SGCD: variants seen among roughly 807,000 people sequenced by gnomAD.
SGCD encodes the protein delta-sarcoglycan.
In SGCD, 18 loss-of-function variants were observed where a neutral mutation model predicts 36.6. That is an observed-to-expected ratio of 0.49 (90% confidence interval 0.34 to 0.73). The LOEUF is 0.73. SGCD is among the 30% of genes least tolerant of loss of function. The pLI, the probability that SGCD is intolerant of heterozygous loss-of-function variation, is 0.01. For synonymous variants in SGCD, 133 were observed against 130.6 expected, an observed-to-expected ratio of 1.02 and a Z score of -0.12; for missense variants, 387 against 346.7, an observed-to-expected ratio of 1.12 and a Z score of -0.92.
In SGCD at chr5:156,361,783, A is replaced by G. The variant is rs78997175; in HGVS notation, c.192+17106A>G. ...CTTAAAATAGGACTCTGTGAAACAC[A>G]GTAAACTATAGCTATTCTGGTGCAT... On this transcript the variant is annotated intron_variant, in intron 3 of 8. Transcript: ENST00000337851. 8.0e-3 allele frequency among the ~76,000 whole-genome samples: 1,219 copies of G among 152,344 alleles called. 14 individuals carry two copies. Among genetic ancestry groups the G allele is most frequent in the African/African-American group, 0.023 (949 of 41,570 alleles).
chr5:156,709,001 A>T (rs985211473), intron 7 of SGCD, among the ~76,000 whole-genome samples: 1 of 151,660 alleles, frequency 6.6e-6, no homozygotes, highest in Non-Finnish European at 1.5e-5. Context: ...GGTACCATCT[A>T]TCAGCTAATA....
intron 6 of SGCD, among the ~76,000 whole-genome samples, chr5:156,626,176 G>T (rs1280928091): frequency 6.6e-6 from 1 of 152,170 alleles, no homozygotes; most frequent in Admixed American, 6.5e-5. Context: ...TTGAGAAGCC[G>T]TGGGCTAGAG....
chr5:156,073,532 T>C (rs73813227), intron 1 of SGCD, among the ~76,000 whole-genome samples: 21,835 of 152,184 alleles, frequency 0.14, 1,813 homozygotes, highest in Non-Finnish European at 0.19. Flanking sequence ...CACTGCACTC[T>C]AGCCTGGGTG....
At chr5:156,336,505 G>A (rs2127709563) in intron 2 of SGCD, among the ~76,000 whole-genome samples, 1 of 152,238 alleles carries the variant, frequency 6.6e-6, no homozygotes, top group Admixed American at 6.5e-5. Context: ...AAATATCATA[G>A]ATCCATACCA....
chr5:156,685,237 C>G (rs1017010009), intron 7 of SGCD, among the ~76,000 whole-genome samples: 1 of 152,006 alleles, frequency 6.6e-6, no homozygotes, highest in Non-Finnish European at 1.5e-5. Context: ...AAGTGGGCTA[C>G]TCGGCCAAGG....
intron 1 of SGCD, among the ~76,000 whole-genome samples, chr5:155,894,057 AGTT>A (rs1198545551): frequency 6.6e-6 from 1 of 152,190 alleles, no homozygotes; most frequent in Non-Finnish European, 1.5e-5. Flanking sequence ...CAAGCCTGGA[AGTT>A]GTTCTGGGTG....
chr5:156,185,253 T>TAACA (rs1393093693), intron 3 of SGCD, among the ~76,000 whole-genome samples: 15 of 145,640 alleles, frequency 1.0e-4, no homozygotes, highest in Non-Finnish European at 1.9e-4. Context: ...CTTGCTCTGT[T>TAACA]GCCCAGGCTG....
At chr5:156,245,403 C>T (rs1392487164) in intron 3 of SGCD, among the ~76,000 whole-genome samples, 2 of 152,174 alleles carry the variant, frequency 1.3e-5, no homozygotes, top group Non-Finnish European at 2.9e-5. Context: ...CACCATTTTA[C>T]ATTCCCTGTT....
rs1284696310 is a variant in SGCD, at chr5:156,409,496, C to A, written c.192+64819C>A. 2.0e-5 allele frequency among the ~76,000 whole-genome samples: 3 copies of A among 152,210 alleles called. No homozygotes were observed. The East Asian group carries it at 5.8e-4, about 29-fold the overall frequency. ...TTTATTTGCTCCATCCCAACCAATC[C>A]CCGGGCCCGGCTGGGCCCTTATTTG... On this transcript the variant is annotated intron_variant, in intron 3 of 8. Coordinates refer to ENST00000337851, the MANE Select transcript of SGCD (RefSeq NM_000337.6).
At chr5:156,094,710 TC>T (rs1442070427) in intron 1 of SGCD, among the ~76,000 whole-genome samples, 3 of 151,978 alleles carry the variant, frequency 2.0e-5, no homozygotes, top group Non-Finnish European at 4.4e-5. Flanking sequence ...GAGATAGAAA[TC>T]TTGTTGCTTG....
chr5:156,237,745 C>A (rs935803101), intron 3 of SGCD, among the ~76,000 whole-genome samples: 2 of 152,130 alleles, frequency 1.3e-5, no homozygotes, highest in Admixed American at 6.5e-5. Flanking sequence ...TCTGTGTTCA[C>A]CCTAACTATA....
intron 3 of SGCD, among the ~76,000 whole-genome samples, chr5:156,267,054 A>G (rs1766015485): frequency 6.6e-6 from 1 of 152,180 alleles, no homozygotes; most frequent in Non-Finnish European, 1.5e-5. Flanking sequence ...CAGCTCTGTC[A>G]CTATATGTGC....
At chr5:156,637,055 G>A (rs1762853084) in intron 6 of SGCD, among the ~76,000 whole-genome samples, 1 of 152,104 alleles carries the variant, frequency 6.6e-6, no homozygotes, top group Non-Finnish European at 1.5e-5. Context: ...CACCTGCTGT[G>A]GGAGGGACCC....
intron 3 of SGCD, among the ~76,000 whole-genome samples, chr5:156,284,393 C>A (rs1215575348): frequency 6.6e-6 from 1 of 152,110 alleles, no homozygotes; most frequent in African/African-American, 2.4e-5. Flanking sequence ...AGACCAATAT[C>A]CCTGATGAAC....
intron 3 of SGCD, among the ~76,000 whole-genome samples, chr5:156,362,767 TG>T (rs1308024121): frequency 2.0e-5 from 3 of 152,224 alleles, no homozygotes; most frequent in Admixed American, 6.5e-5. Context: ...GAGCATTTCA[TG>T]ACATATACTC....
the SGCD span, among the ~76,000 whole-genome samples, chr5:155,853,293 T>G: frequency 6.6e-6 from 1 of 152,036 alleles, no homozygotes; most frequent in East Asian, 1.9e-4. Context: ...CATTTCAGGC[T>G]CTTTAGTCTT....
rs150524786 is a variant in SGCD at position 156,307,515 on chromosome 5, G to T, written c.-43-22019G>T. Among the ~76,000 whole-genome samples, 555 of 126,588 alleles carry T rather than the reference G, an allele frequency of 4.4e-3. 2 individuals are homozygous for T. Among genetic ancestry groups the T allele is most frequent in the African/African-American group, 0.016 (531 of 33,920 alleles). The allele number at this position is 126,588 out of a possible 152,430, so 83.0% of individuals were successfully genotyped here. On this transcript the variant is annotated intron_variant, in intron 3 of 9. Coordinates refer to the SGCD transcript ENST00000517913. ...TAATTGCTGATAAGCAGATACTTTGGTCATTTTGATTCTTCTTGTCTGTAT... is the reference window on the plus strand; with the variant it reads ...TAATTGCTGATAAGCAGATACTTTGTTCATTTTGATTCTTCTTGTCTGTAT...
chr5:156,343,112 C>A (rs7449317), intron 2 of SGCD, among the ~76,000 whole-genome samples: 50 of 148,516 alleles, frequency 3.4e-4, no homozygotes, highest in African/African-American at 6.4e-4. Flanking sequence ...ATCTAAAAAC[C>A]AAAAAAAAAA....
At chr5:156,229,279 T>TACATATATATATATATATACAC (rs1561574947) in intron 3 of SGCD, among the ~76,000 whole-genome samples, 4 of 51,644 alleles carry the variant, frequency 7.7e-5, no homozygotes, top group Non-Finnish European at 1.2e-4. Context: ...TATACATACA[T>TACATATATATATATATATACAC]ATATATATAT....
Sources: allele counts gnomAD v4.1 joint callset (sites outside exome capture counted in the v4.1 genomes callset), GRCh38; gene constraint gnomAD v4.1.1; transcripts MANE v1.5; gene names NCBI Gene and HGNC (gene_info 2026-07-23, HGNC 2026-07-21).